TMEM114: variants seen among roughly 807,000 people sequenced by gnomAD.
TMEM114 encodes the protein transmembrane protein 114.
A neutral mutation model predicts 6.2 loss-of-function variants in TMEM114; 6 were observed. The observed-to-expected ratio is 0.97, with a 90% confidence interval of 0.53 to 1.91. The LOEUF is 1.91. Among genes scored for constraint, TMEM114 ranks in the 40% most tolerant of loss-of-function variants. TMEM114 has a pLI of 0.01. For missense variants in TMEM114, 218 were observed against 158.3 expected (o/e 1.38, Z -2.02); for synonymous variants, 104 against 73.0 (o/e 1.42, Z -2.16).
intron 2 of TMEM114, among the ~76,000 whole-genome samples, chr16:8,559,362 A>T (rs1320814875): frequency 6.6e-6 from 1 of 152,134 alleles, no homozygotes; most frequent in African/African-American, 2.4e-5. Context: ...CCCAGTTCTG[A>T]GACTAGCTGC....
chr16:8,585,127 G>A (rs1044321535), intron 2 of TMEM114, among the ~76,000 whole-genome samples: 1 of 152,052 alleles, frequency 6.6e-6, no homozygotes, highest in Non-Finnish European at 1.5e-5. Context: ...TTTGTGCAGG[G>A]GAACCCCCTT....
At chr16:8,560,378 C>G (rs1024036297) in intron 2 of TMEM114, among the ~76,000 whole-genome samples, 1 of 152,014 alleles carries the variant, frequency 6.6e-6, no homozygotes, top group Non-Finnish European at 1.5e-5. Context: ...GGTGGGCATC[C>G]TCTCCTTGGA....
downstream of TMEM114, among the ~76,000 whole-genome samples, chr16:8,567,939 G>A (rs1901600350): frequency 6.6e-6 from 1 of 152,168 alleles, no homozygotes; most frequent in Non-Finnish European, 1.5e-5. Flanking sequence ...GGCCATGTGA[G>A]TAACCCACTC....
intron 2 of TMEM114, among the ~76,000 whole-genome samples, chr16:8,544,945 C>T (rs1596467971): frequency 8.0e-6 from 1 of 124,700 alleles, no homozygotes; most frequent in Non-Finnish European, 1.7e-5. Flanking sequence ...TCTCTCTCCA[C>T]CTCCCCCCAA....
chr16:8,530,804 G>A, the TMEM114 span, among the ~76,000 whole-genome samples: 1 of 152,034 alleles, frequency 6.6e-6, no homozygotes. Context: ...CAGATGAATT[G>A]CTTGAGGCCA....
At chr16:8,527,035 C>A in the TMEM114 span, among the ~76,000 whole-genome samples, 36 of 152,240 alleles carry the variant, frequency 2.4e-4, no homozygotes, top group African/African-American at 8.7e-4. Context: ...TGGGGAAACC[C>A]CAACTCTGCT....
intron 2 of TMEM114, among the ~76,000 whole-genome samples, chr16:8,586,259 A>G (rs1487363150): frequency 1.3e-5 from 2 of 152,200 alleles, no homozygotes; most frequent in African/African-American, 2.4e-5. Context: ...CCTTTCTGAC[A>G]AGTCTGGTCA....
chr16:8,570,154 G>T (rs908508558), intron 3 of TMEM114, 149 bp from the exon 4 acceptor site: 4 of 1,088,758 alleles, frequency 3.7e-6, no homozygotes, highest in Non-Finnish European at 5.2e-6. Context: ...TAGTCTCCCC[G>T]CTGGGTGCAT....
At position 8,573,584 on chromosome 16, in the gene TMEM114, T is replaced by TA. The variant is rs745478208; in HGVS notation, c.302-1361dup. On this transcript the variant is annotated intron_variant, in intron 2 of 3. Coordinates refer to ENST00000620492, the MANE Select transcript of TMEM114 (RefSeq NM_001146336.2). ...GGAAACAAGTGCAAAGTTTTTTTTT[T>TA]ATCCATCCTTCATTTACCAAATGTG... 7.9e-5 allele frequency among the ~76,000 whole-genome samples: 12 copies of TA among 152,206 alleles called. 1 individual carries two copies. The highest frequency in any genetic ancestry group is 1.6e-4 in the Non-Finnish European group (11 of 67,990).
chr16:8,537,369 C>T (rs1053454504), downstream of TMEM114, among the ~76,000 whole-genome samples: 2 of 151,834 alleles, frequency 1.3e-5, no homozygotes, highest in African/African-American at 2.4e-5. Context: ...AGCGCGATGG[C>T]ACACGCCTGT....
downstream of TMEM114, among the ~76,000 whole-genome samples, chr16:8,534,285 G>A (rs935540760): frequency 4.6e-5 from 7 of 151,540 alleles, no homozygotes; most frequent in Non-Finnish European, 8.8e-5. Context: ...CGGAGGACTC[G>A]CTTAAGCGCC....
intron 2 of TMEM114, among the ~76,000 whole-genome samples, chr16:8,545,357 G>T (rs776577210): frequency 1.3e-5 from 2 of 152,104 alleles, no homozygotes; most frequent in Non-Finnish European, 2.9e-5. Context: ...GATTGCTTGA[G>T]CCCAGGAGGT....
chr16:8,553,999 C>T (rs1315915074), intron 2 of TMEM114, among the ~76,000 whole-genome samples: 5 of 152,000 alleles, frequency 3.3e-5, no homozygotes, highest in East Asian at 1.9e-4. Flanking sequence ...ATGTGTCAGC[C>T]GCCTGAATAG....
chr16:8,577,273 G>T (rs1268909637), intron 2 of TMEM114, among the ~76,000 whole-genome samples: 2 of 152,346 alleles, frequency 1.3e-5, no homozygotes, highest in African/African-American at 2.4e-5. Context: ...GCTGTGAAAG[G>T]TGTCTGCCTT....
intron 2 of TMEM114, among the ~76,000 whole-genome samples, chr16:8,538,354 G>C (rs1339092653): frequency 6.6e-6 from 1 of 152,006 alleles, no homozygotes; most frequent in Non-Finnish European, 1.5e-5. Context: ...GATGGTGCTG[G>C]TTGTGCTGGG....
chr16:8,588,084 G>A (rs944776213), intron 2 of TMEM114, among the ~76,000 whole-genome samples: 2 of 151,920 alleles, frequency 1.3e-5, no homozygotes, highest in African/African-American at 2.4e-5. Context: ...TCAGGAGTTC[G>A]AGACCAGCCT....
intron 2 of TMEM114, among the ~76,000 whole-genome samples, chr16:8,583,809 C>T (rs373370514): frequency 6.6e-5 from 10 of 152,180 alleles, no homozygotes; most frequent in South Asian, 2.1e-4. Flanking sequence ...GTGATGTAGG[C>T]GCGTGTGGGT....
intron 2 of TMEM114, among the ~76,000 whole-genome samples, chr16:8,588,912 C>A (rs2141705215): frequency 6.6e-6 from 1 of 152,370 alleles, no homozygotes; most frequent in Admixed American, 6.5e-5. Flanking sequence ...CCACATTTGT[C>A]CCAGCACCAC....
intron 2 of TMEM114, among the ~76,000 whole-genome samples, chr16:8,562,630 GAATCAGTCAGTA>G (rs1901296384): frequency 3.0e-4 from 46 of 151,742 alleles, no homozygotes; most frequent in Non-Finnish European, 4.9e-4. Context: ...GTGAGTGAAT[GAATCAGTCAGTA>G]AGTGAATGAA....
Sources: gnomAD v4.1 joint callset for allele counts (sites outside exome capture counted in the v4.1 genomes callset) on GRCh38, gnomAD v4.1.1 for gene constraint, MANE v1.5 for transcripts, NCBI Gene and HGNC (gene_info 2026-07-23, HGNC 2026-07-21) for gene names.